MRPL1: variants seen among roughly 807,000 people sequenced by gnomAD.
The protein encoded by MRPL1 is large ribosomal subunit protein uL1m.
Under a neutral mutation model 38.0 loss-of-function variants are expected in MRPL1, and 28 were observed. The ratio of observed to expected loss-of-function variants is 0.74; its 90% CI spans 0.55 to 1.01. The LOEUF is 1.01. Ranked by LOEUF, MRPL1 falls within the 50% of genes least tolerant of loss-of-function variation. The pLI is 0.00. For missense variants in MRPL1, 358 were observed against 389.8 expected (o/e 0.92, Z 0.69); for synonymous variants, 123 against 126.7 (o/e 0.97, Z 0.20).
chr4:77,872,372 G>T (rs1433534412), intron 2 of MRPL1, among the ~76,000 whole-genome samples: 1 of 151,898 alleles, frequency 6.6e-6, no homozygotes, highest in Non-Finnish European at 1.5e-5. Flanking sequence ...TGTATTAGAG[G>T]ATTATCCGTA....
chr4:77,875,018 C>A (rs992483410), intron 2 of MRPL1, among the ~76,000 whole-genome samples: 5 of 151,828 alleles, frequency 3.3e-5, no homozygotes, highest in African/African-American at 1.2e-4. Flanking sequence ...GAACTCCTGA[C>A]CTCAGGTGAT....
In MRPL1 at chr4:77,883,248, A is replaced by G. The variant is rs373309676; in HGVS notation, c.150A>G (p.Ala50=). The change falls in exon 3 of 9, where the codon GCA becomes GCG. Residue 50 remains alanine (A), a synonymous_variant. Transcript: ENST00000315567. ...AACTTTATTTTCTTTTAAGGTCTGC[A>G]AAGAAAACAAAAAAAGGTGCTAAAG... The part of the protein sequence containing the change: ...NRHFAAATKS[A]KKTKKGAKEK... The G allele has an allele frequency of 2.4e-5, 37 of 1,565,642 alleles. No individual in the cohort carries two copies. The highest frequency in any genetic ancestry group is 4.0e-5 in the Admixed American group (2 of 50,090).
rs1165989881 is a variant in MRPL1, at chr4:77,899,260, G to C, written c.670+5010G>C. Among the ~76,000 whole-genome samples, 4 of 151,026 alleles carry C rather than the reference G, an allele frequency of 2.6e-5. No homozygotes were observed. In the East Asian group the frequency reaches 7.8e-4, roughly 29 times the overall value. The stretch of plus-strand genomic sequence containing the variant: ...GAGCTCAAGTGATCTACCTGCTGCA[G>C]TCTCCCAAAGTGCTGGGATTACAGG... On this transcript the variant is annotated intron_variant, in intron 6 of 8. Coordinates refer to ENST00000315567, the MANE Select transcript of MRPL1 (RefSeq NM_020236.4).
intron 7 of MRPL1, among the ~76,000 whole-genome samples, chr4:77,942,061 G>A (rs1057328027): frequency 2.0e-5 from 3 of 151,970 alleles, no homozygotes; most frequent in African/African-American, 7.2e-5. Flanking sequence ...CAAAGATTTT[G>A]ATAGGTTGTG....
chr4:77,904,616 G>A (rs115122368), intron 6 of MRPL1, among the ~76,000 whole-genome samples: 53 of 152,226 alleles, frequency 3.5e-4, no homozygotes, highest in African/African-American at 1.2e-3. Flanking sequence ...CACAGTTTGA[G>A]ATGTGAGACT....
intron 2 of MRPL1, among the ~76,000 whole-genome samples, chr4:77,875,989 T>A (rs1389099498): frequency 6.6e-6 from 1 of 152,190 alleles, no homozygotes; most frequent in Non-Finnish European, 1.5e-5. Flanking sequence ...ATTTATTTTT[T>A]TGAGATGGAG....
chr4:77,886,270 C>T (rs771574311), intron 4 of MRPL1, among the ~76,000 whole-genome samples: 27 of 152,096 alleles, frequency 1.8e-4, no homozygotes, highest in Non-Finnish European at 3.4e-4. Flanking sequence ...TGGGCTGAAG[C>T]GATTCTCCTG....
rs1351282260 is a variant in MRPL1, at chr4:77,887,183, A to AT, written c.487-35dup. 3 of 1,487,674 alleles carry AT rather than the reference A, an allele frequency of 2.0e-6. No homozygotes were observed. In the South Asian group the frequency reaches 3.4e-5, roughly 17 times the overall value. The allele number at this position is 1,487,674 out of a possible 1,614,324, so 92.2% of individuals were successfully genotyped here. A position where few individuals can be genotyped will look rare whatever the true frequency, so the allele number is the denominator to read the frequency against. ...TCAAAGCAGACTGAATATATTTAAA[A>AT]TTAATGATTGATTTTCAAATTATTG... On this transcript the variant is annotated intron_variant, in intron 4 of 8. Coordinates refer to ENST00000315567, the MANE Select transcript of MRPL1 (RefSeq NM_020236.4).
At chr4:77,892,981 G>GGTAA (rs1553905310) in intron 5 of MRPL1, among the ~76,000 whole-genome samples, 1 of 151,598 alleles carries the variant, frequency 6.6e-6, no homozygotes, top group Non-Finnish European at 1.5e-5. Flanking sequence ...GTTAAGGAGA[G>GGTAA]GTATGTTATT....
At chr4:77,877,367 C>G (rs1735421709) in intron 2 of MRPL1, among the ~76,000 whole-genome samples, 1 of 152,032 alleles carries the variant, frequency 6.6e-6, no homozygotes, top group Non-Finnish European at 1.5e-5. Flanking sequence ...TTTGTTGTTG[C>G]CATGGTTACC....
At position 77,871,733 on chromosome 4, in the gene MRPL1, T is replaced by C; in HGVS notation, c.32-11T>C. On this transcript the variant is annotated splice_polypyrimidine_tract_variant and intron_variant, in intron 1 of 8. Transcript: ENST00000315567. ...TTTAATGTTAATATTTTACATGTTT[T>C]TCCTTTCAAGCCTTGATACATCATC... is the stretch of plus-strand genomic sequence containing the variant. The C allele has an allele frequency of 1.5e-6, 2 of 1,335,396 alleles. No individual in the cohort carries two copies. The highest frequency in any genetic ancestry group is 2.0e-6 in the Non-Finnish European group (2 of 976,948). The allele number at this position is 1,335,396 out of a possible 1,614,324, so 82.7% of individuals were successfully genotyped here.
chr4:77,932,508 G>T (rs1578059941), intron 7 of MRPL1, among the ~76,000 whole-genome samples: 4 of 152,222 alleles, frequency 2.6e-5, no homozygotes, highest in Admixed American at 2.6e-4. Flanking sequence ...TCCTGAGATT[G>T]CCACAAAAGC....
At chr4:77,938,499 G>A (rs967648018) in intron 7 of MRPL1, among the ~76,000 whole-genome samples, 1 of 152,198 alleles carries the variant, frequency 6.6e-6, no homozygotes, top group Non-Finnish European at 1.5e-5. Context: ...TTGTGCAACT[G>A]GAAGACCAGA....
chr4:77,952,127 TG>T (rs1737425836), intron 8 of MRPL1, among the ~76,000 whole-genome samples: 1 of 152,332 alleles, frequency 6.6e-6, no homozygotes, highest in Middle Eastern at 3.4e-3. Flanking sequence ...ACTTAGTCTT[TG>T]ATTTAAGTCA....
At chr4:77,870,014 C>T (rs925126321) in intron 1 of MRPL1, among the ~76,000 whole-genome samples, 3 of 152,178 alleles carry the variant, frequency 2.0e-5, no homozygotes, top group African/African-American at 4.8e-5. Context: ...AATCCTCCCA[C>T]CTCAGCTTCC....
intron 5 of MRPL1, among the ~76,000 whole-genome samples, chr4:77,891,687 T>C (rs577971660): frequency 1.3e-5 from 2 of 152,336 alleles, no homozygotes; most frequent in South Asian, 4.1e-4. Context: ...GGTTCTTAAA[T>C]GTTAAGCAAG....
intron 6 of MRPL1, among the ~76,000 whole-genome samples, chr4:77,897,192 T>G (rs534394149): frequency 1.4e-3 from 220 of 152,196 alleles, no homozygotes; most frequent in African/African-American, 5.1e-3. Context: ...GCCTCCCAAG[T>G]AGCTGCGATT....
chr4:77,904,724 T>C (rs753308016), intron 6 of MRPL1, among the ~76,000 whole-genome samples: 3 of 152,202 alleles, frequency 2.0e-5, no homozygotes, highest in East Asian at 3.8e-4. Flanking sequence ...CCTAAACTTA[T>C]ATGATCAACT....
chr4:77,948,258 T>C (rs1310725536), intron 7 of MRPL1, among the ~76,000 whole-genome samples: 2 of 152,148 alleles, frequency 1.3e-5, no homozygotes, highest in Admixed American at 1.3e-4. Flanking sequence ...CAGTTGATGA[T>C]AGAAAGAAGG....
Sources: gnomAD v4.1 joint callset for allele counts (sites outside exome capture counted in the v4.1 genomes callset) on GRCh38, gnomAD v4.1.1 for gene constraint, MANE v1.5 for transcripts, NCBI Gene and HGNC (gene_info 2026-07-23, HGNC 2026-07-21) for gene names.